Variants in MAP3K7CL observed in about 807,000 individuals in gnomAD.
MAP3K7CL encodes the protein MAP3K7 C-terminal like, also known as MAP3K7 C-terminal-like protein.
A neutral mutation model predicts 18.6 loss-of-function variants in MAP3K7CL; 16 were observed. That is an observed-to-expected ratio of 0.86 (90% confidence interval 0.58 to 1.31). The LOEUF (loss-of-function observed/expected upper bound fraction) is 1.31, where lower values mean the gene tolerates loss of function less well. Ranked by LOEUF, MAP3K7CL falls within the 50% of genes most tolerant of loss-of-function variation. The pLI is 0.00. For missense variants in MAP3K7CL, 163 were observed against 174.4 expected (o/e 0.93, Z 0.37); for synonymous variants, 65 against 66.8 (o/e 0.97, Z 0.13).
At chr21:29,104,524 T>C (rs2086287065) in intron 4 of MAP3K7CL, among the ~76,000 whole-genome samples, 1 of 152,240 alleles carries the variant, frequency 6.6e-6, no homozygotes, top group Non-Finnish European at 1.5e-5. Flanking sequence ...AATTCTGTGC[T>C]AACCAGCCTT....
At chr21:29,167,332 C>T (rs917043324) in intron 4 of MAP3K7CL, among the ~76,000 whole-genome samples, 3 of 152,002 alleles carry the variant, frequency 2.0e-5, no homozygotes, top group East Asian at 3.9e-4. Flanking sequence ...ATGAGGCTAT[C>T]AAAATCAATG....
chr21:29,166,008 T>G (rs1164214117), intron 4 of MAP3K7CL, among the ~76,000 whole-genome samples: 1 of 152,222 alleles, frequency 6.6e-6, no homozygotes, highest in Non-Finnish European at 1.5e-5. Context: ...ATCTTTGTGG[T>G]GAGAACATTC....
At chr21:29,123,347 A>C (rs941848551) in intron 4 of MAP3K7CL, among the ~76,000 whole-genome samples, 1 of 152,210 alleles carries the variant, frequency 6.6e-6, no homozygotes, top group Admixed American at 6.5e-5. Flanking sequence ...TACAGGCATG[A>C]GCCACTGTAC....
At chr21:29,117,919 T>G (rs1053028012) in intron 4 of MAP3K7CL, among the ~76,000 whole-genome samples, 1 of 152,070 alleles carries the variant, frequency 6.6e-6, no homozygotes, top group Non-Finnish European at 1.5e-5. Flanking sequence ...TCTTGACGAC[T>G]GCTGTAAAAT....
intron 4 of MAP3K7CL, among the ~76,000 whole-genome samples, chr21:29,169,740 C>T (rs2087777190): frequency 6.6e-6 from 1 of 152,154 alleles, no homozygotes; most frequent in South Asian, 2.1e-4. Context: ...TAAAGAATCT[C>T]CTTAATTTTG....
chr21:29,090,752 T>C (rs8128022), intron 1 of MAP3K7CL, among the ~76,000 whole-genome samples: 1 of 151,762 alleles, frequency 6.6e-6, no homozygotes, highest in Non-Finnish European at 1.5e-5. Context: ...GCCTGTGGCC[T>C]TCCTCACTTT....
intron 1 of MAP3K7CL, among the ~76,000 whole-genome samples, chr21:29,132,919 A>G (rs1251837748): frequency 6.6e-6 from 1 of 152,228 alleles, no homozygotes; most frequent in Non-Finnish European, 1.5e-5. Context: ...TCTAATCTGA[A>G]GCCATCTGAT....
intron 1 of MAP3K7CL, among the ~76,000 whole-genome samples, chr21:29,079,457 T>C (rs1457767891): frequency 6.6e-6 from 1 of 152,254 alleles, no homozygotes; most frequent in Non-Finnish European, 1.5e-5. Context: ...AGCTTCCCCA[T>C]ACTGTCTCAC....
chr21:29,161,877 C>T (rs945708771), intron 4 of MAP3K7CL, among the ~76,000 whole-genome samples: 1 of 152,176 alleles, frequency 6.6e-6, no homozygotes, highest in Non-Finnish European at 1.5e-5. Flanking sequence ...CAGTTAGTAC[C>T]TTACAAACCC....
At chr21:29,145,874 T>G (rs958648375) in intron 2 of MAP3K7CL, among the ~76,000 whole-genome samples, 6 of 150,924 alleles carry the variant, frequency 4.0e-5, no homozygotes, top group African/African-American at 1.5e-4. Context: ...TAGACTTTTA[T>G]TTCAACTCAA....
At chr21:29,131,770 T>A (rs1355149926) in intron 1 of MAP3K7CL, among the ~76,000 whole-genome samples, 1 of 152,220 alleles carries the variant, frequency 6.6e-6, no homozygotes, top group African/African-American at 2.4e-5. Flanking sequence ...TCTTTTTTCA[T>A]ATGCTGGGTA....
At chr21:29,097,454 A>T (rs1036100930) in intron 4 of MAP3K7CL, among the ~76,000 whole-genome samples, 5 of 152,340 alleles carry the variant, frequency 3.3e-5, no homozygotes, top group South Asian at 2.1e-4. Flanking sequence ...GAACAAAATT[A>T]AAATTTATTT....
rs2123269274 is a variant in MAP3K7CL at position 29,174,696 on chromosome 21, T to C, written c.249-16T>C. The C allele has an allele frequency of 6.2e-7, 1 of 1,613,798 alleles. No homozygotes were observed. Among genetic ancestry groups the C allele is most frequent in the Non-Finnish European group, 8.5e-7 (1 of 1,179,840 alleles). ...GAATTCTGTGCTTCTTCCTGCCCTT[T>C]ACCCCGAATCTTCAGGAAGGAGCTC... On this transcript the variant is annotated splice_polypyrimidine_tract_variant and intron_variant, in intron 4 of 4. Transcript: ENST00000399928.
intron 1 of MAP3K7CL, among the ~76,000 whole-genome samples, chr21:29,078,432 A>G (rs1366097509): frequency 6.6e-6 from 1 of 152,206 alleles, no homozygotes; most frequent in African/African-American, 2.4e-5. Context: ...ACAACCAAGA[A>G]AATAGAGGGG....
Position 29,135,034 on chromosome 21 carries a change from G to A in MAP3K7CL, c.70+1620G>A, listed in dbSNP as rs138649499. ...CCACTGCACTCCAGCCTGGGCAACAGAGCAGGACTCCATCTCAAAAAAAAA... is the reference window on the plus strand; with the variant it reads ...CCACTGCACTCCAGCCTGGGCAACAAAGCAGGACTCCATCTCAAAAAAAAA... On this transcript the variant is annotated intron_variant, in intron 2 of 4. Transcript: ENST00000399928. Among the ~76,000 whole-genome samples the A allele has an allele frequency of 7.6e-3, 1,124 of 148,410 alleles. 50 individuals are homozygous for A. Among genetic ancestry groups the A allele is most frequent in the Admixed American group, 0.062 (894 of 14,526 alleles).
chr21:29,153,532 C>T (rs937347762), intron 3 of MAP3K7CL, among the ~76,000 whole-genome samples: 14 of 152,140 alleles, frequency 9.2e-5, no homozygotes, highest in African/African-American at 7.2e-5. Context: ...ACTGCAGCCT[C>T]GACCTCCCCA....
At chr21:29,163,110 AAAAAAT>A (rs1224865313) in intron 4 of MAP3K7CL, among the ~76,000 whole-genome samples, 1 of 152,168 alleles carries the variant, frequency 6.6e-6, no homozygotes, top group African/African-American at 2.4e-5. Context: ...GACTGTCTCA[AAAAAAT>A]AAAAATAAAA....
upstream of MAP3K7CL, among the ~76,000 whole-genome samples, chr21:29,083,852 A>ATG (rs3054216): frequency 0.052 from 7,792 of 149,770 alleles, 460 homozygotes; most frequent in East Asian, 0.16. Context: ...GTGTGTATAT[A>ATG]TGTGTGTGTG....
intron 4 of MAP3K7CL, among the ~76,000 whole-genome samples, chr21:29,107,089 G>A (rs1240436761): frequency 3.9e-5 from 6 of 152,080 alleles, no homozygotes; most frequent in African/African-American, 7.2e-5. Context: ...AGGCCGAGGC[G>A]GGTGGATCAT....
Sources: gnomAD v4.1 joint callset for allele counts (sites outside exome capture counted in the v4.1 genomes callset) on GRCh38, gnomAD v4.1.1 for gene constraint, MANE v1.5 for transcripts, NCBI Gene and HGNC (gene_info 2026-07-23, HGNC 2026-07-21) for gene names.